Variants in SNN observed in about 807,000 individuals in gnomAD.
The protein encoded by SNN is stannin.
In SNN, 5 loss-of-function variants were observed where a neutral mutation model predicts 5.3. The observed-to-expected ratio is 0.94, with a 90% confidence interval of 0.49 to 1.97. The LOEUF is 1.97. Ranked by LOEUF, SNN falls within the 30% of genes most tolerant of loss-of-function variation. The pLI, the probability that SNN is intolerant of heterozygous loss-of-function variation, is 0.01. For synonymous variants in SNN, 67 were observed against 52.1 expected (o/e 1.29, Z -1.24); for missense variants, 127 against 121.6 (o/e 1.04, Z -0.21).
chr16:11,669,349 G>T (rs977035406), intron 1 of SNN, among the ~76,000 whole-genome samples: 2 of 152,378 alleles, frequency 1.3e-5, no homozygotes, highest in African/African-American at 4.8e-5. Flanking sequence ...CCCAGCGAGG[G>T]CCACACTGGG....
At position 11,672,315 on chromosome 16, in the gene SNN, G is replaced by C. The variant is rs1324967401; in HGVS notation, c.-85-3660G>C. Reference sequence around the variant, plus strand: ...AGCCTAGAGAAGGGCAGGTAGCAAGGAGAGCAAATGAAGTAGGGCAAGGCT... The same window carrying C: ...AGCCTAGAGAAGGGCAGGTAGCAAGCAGAGCAAATGAAGTAGGGCAAGGCT... On this transcript the variant is annotated intron_variant, in intron 1 of 1. Transcript: ENST00000329565. The surrounding 1 kb of genome is among the most constrained non-coding windows in gnomAD (Gnocchi z 6.0). 6.6e-6 allele frequency among the ~76,000 whole-genome samples: 1 copy of C among 152,196 alleles called. No homozygotes were observed. The highest frequency in any genetic ancestry group is 1.5e-5 in the Non-Finnish European group (1 of 68,036).
chr16:11,670,792 T>A (rs1258433093), intron 1 of SNN, among the ~76,000 whole-genome samples: 1 of 151,992 alleles, frequency 6.6e-6, no homozygotes, highest in East Asian at 1.9e-4. Flanking sequence ...GCACATGGAG[T>A]GGCCTCTGGA....
In SNN at chr16:11,668,907, C is replaced by T. The variant is rs1344199469; in HGVS notation, c.-86+367C>T. On this transcript the variant is annotated intron_variant, in intron 1 of 1. Coordinates refer to ENST00000329565, the MANE Select transcript of SNN (RefSeq NM_003498.6). This position sits in a 1 kb window ranked among gnomAD's most constrained non-coding sequence, Gnocchi z 6.8. ...TCGGGGTTCTTCAAAATTCTGGGAG[C>T]TCCGGGGAGGGCTCCGGGGATAGGG... Among the ~76,000 whole-genome samples the T allele has an allele frequency of 1.3e-5, 2 of 151,888 alleles. No individual in the cohort carries two copies. The highest frequency in any genetic ancestry group is 2.9e-5 in the Non-Finnish European group (2 of 67,910).
intron 1 of SNN, among the ~76,000 whole-genome samples, chr16:11,674,963 C>G (rs1172261186): frequency 1.3e-5 from 2 of 152,184 alleles, no homozygotes; most frequent in Non-Finnish European, 2.9e-5. Flanking sequence ...CTCACCCTCC[C>G]TGCCTCCCCG....
chr16:11,676,477 G>C lies in SNN; in HGVS notation c.*151G>C. On this transcript the variant is annotated 3_prime_UTR_variant, in exon 2 of 2. Transcript: ENST00000329565. ...TTCGTCATCGCATGCACTGATGCCC[G>C]GGGACCTGGCTGTCCTGGGCTTCCC... 2.0e-6 allele frequency: 2 copies of C among 986,144 alleles called. No homozygotes were observed. Among genetic ancestry groups the C allele is most frequent in the East Asian group, 2.6e-5 (1 of 37,748 alleles). The allele number at this position is 986,144 out of a possible 1,614,324, so 61.1% of individuals were successfully genotyped here. A position where few individuals can be genotyped will look rare whatever the true frequency, so the allele number is the denominator to read the frequency against.
rs1467089056 is a variant in SNN at position 11,678,862 on chromosome 16, A to C, written c.*2536A>C. ...ACTGTTGCATTCAAGTTTTCTGACTAATAAGAAATTAAGCATTCATCCTTC... is the reference window on the plus strand; with the variant it reads ...ACTGTTGCATTCAAGTTTTCTGACTCATAAGAAATTAAGCATTCATCCTTC... On this transcript the variant is annotated 3_prime_UTR_variant, in exon 2 of 2. Coordinates refer to ENST00000329565, the MANE Select transcript of SNN (RefSeq NM_003498.6). 1.1e-5 allele frequency: 3 copies of C among 270,486 alleles called. No individual in the cohort carries two copies. The highest frequency in any genetic ancestry group is 1.4e-3 in the Middle Eastern group (1 of 718). The allele number at this position is 270,486 out of a possible 1,614,324, so 16.8% of individuals were successfully genotyped here.
chr16:11,674,877 G>A (rs542606984), intron 1 of SNN, among the ~76,000 whole-genome samples: 4 of 152,304 alleles, frequency 2.6e-5, no homozygotes, highest in African/African-American at 2.4e-5. Flanking sequence ...GTGAGTGACC[G>A]GCATTTGGGG....
At chr16:11,673,435 C>T (rs887065096) in intron 1 of SNN, among the ~76,000 whole-genome samples, 11 of 152,148 alleles carry the variant, frequency 7.2e-5, no homozygotes, top group African/African-American at 2.7e-4. Flanking sequence ...GGAAGGAGCC[C>T]GGCCGGGTTG....
At chr16:11,670,027 G>T (rs948992897) in intron 1 of SNN, among the ~76,000 whole-genome samples, 19 of 152,314 alleles carry the variant, frequency 1.2e-4, no homozygotes, top group Admixed American at 3.3e-4. Flanking sequence ...TGTGTGATGC[G>T]TCCTTGTGTC....
chr16:11,674,067 T>C (rs1040906068), intron 1 of SNN, among the ~76,000 whole-genome samples: 2 of 152,216 alleles, frequency 1.3e-5, no homozygotes, highest in Admixed American at 6.5e-5. Flanking sequence ...GGGAAACTCC[T>C]GGTTGGGTAA....
intron 1 of SNN, among the ~76,000 whole-genome samples, chr16:11,675,258 C>CTTTTTTTTTTTTTT (rs769141223): frequency 8.8e-5 from 11 of 125,308 alleles, no homozygotes; most frequent in Non-Finnish European, 1.5e-4. Context: ...TTTTTTTTTT[C>CTTTTTTTTTTTTTT]TTTTTTTTTT....
intron 1 of SNN, among the ~76,000 whole-genome samples, chr16:11,670,730 G>C (rs922777773): frequency 2.0e-5 from 3 of 152,232 alleles, no homozygotes; most frequent in African/African-American, 7.2e-5. Context: ...CTGGGAGGAT[G>C]GAGGGGACTC....
In SNN at chr16:11,677,819, C is replaced by G. The variant is rs1183023060; in HGVS notation, c.*1493C>G. Reference sequence around the variant, plus strand: ...AGCACTGGCCCTTCATGGCTGAGCTCAGAGCTCTGGCCTCCTGCTCAGACT... The same window carrying G: ...AGCACTGGCCCTTCATGGCTGAGCTGAGAGCTCTGGCCTCCTGCTCAGACT... On this transcript the variant is annotated 3_prime_UTR_variant, in exon 2 of 2. Coordinates refer to ENST00000329565, the MANE Select transcript of SNN (RefSeq NM_003498.6). The surrounding 1 kb of genome is among the most constrained non-coding windows in gnomAD (Gnocchi z 4.2). 10 of 167,108 alleles carry G rather than the reference C, an allele frequency of 6.0e-5. No individual in the cohort carries two copies. The highest frequency in any genetic ancestry group is 1.5e-5 in the Non-Finnish European group (1 of 68,154). 10.4% of individuals were successfully genotyped at this position (167,108 alleles called of 1,614,324 possible). A position where few individuals can be genotyped will look rare whatever the true frequency, so the allele number is the denominator to read the frequency against.
rs939024219 is a variant in SNN, at chr16:11,668,681, C to A, written c.-86+141C>A. 6.8e-6 allele frequency: 1 copy of A among 146,534 alleles called. No individual in the cohort carries two copies. Among genetic ancestry groups the A allele is most frequent in the Non-Finnish European group, 1.5e-5 (1 of 65,538 alleles). The allele number at this position is 146,534 out of a possible 1,614,324, so 9.1% of individuals were successfully genotyped here. A position where few individuals can be genotyped will look rare whatever the true frequency, so the allele number is the denominator to read the frequency against. Reference sequence around the variant, plus strand: ...GGTCTGCGGGCGGGGGAGGGGCGGCCCGGCGGGCGCGGCTCGGGGGAGGGT... The same window carrying A: ...GGTCTGCGGGCGGGGGAGGGGCGGCACGGCGGGCGCGGCTCGGGGGAGGGT... On this transcript the variant is annotated intron_variant, in intron 1 of 1. Transcript: ENST00000329565. This position sits in a 1 kb window ranked among gnomAD's most constrained non-coding sequence, Gnocchi z 6.8.
chr16:11,670,029 C>G (rs8191275), intron 1 of SNN, among the ~76,000 whole-genome samples: 1,636 of 152,330 alleles, frequency 0.011, 26 homozygotes, highest in South Asian at 0.083. Flanking sequence ...TGTGATGCGT[C>G]CTTGTGTCCC....
At chr16:11,669,185 G>A (rs2050249371) in intron 1 of SNN, among the ~76,000 whole-genome samples, 1 of 152,178 alleles carries the variant, frequency 6.6e-6, no homozygotes, top group South Asian at 2.1e-4. Context: ...TGGAGTGGGG[G>A]AGACGCCGGC....
intron 1 of SNN, among the ~76,000 whole-genome samples, chr16:11,674,498 T>C (rs1340503074): frequency 6.6e-6 from 1 of 152,232 alleles, no homozygotes; most frequent in African/African-American, 2.4e-5. Context: ...TTAGACCTTA[T>C]GTGCATTCCA....
At chr16:11,674,227 C>T (rs1311275438) in intron 1 of SNN, among the ~76,000 whole-genome samples, 1 of 152,208 alleles carries the variant, frequency 6.6e-6, no homozygotes, top group African/African-American at 2.4e-5. Flanking sequence ...TTCTGAGTGC[C>T]GACCGCACGC....
At position 11,668,853 on chromosome 16, in the gene SNN, C is replaced by T. The variant is rs373911193; in HGVS notation, c.-86+313C>T. Among the ~76,000 whole-genome samples, 119 of 152,110 alleles carry T rather than the reference C, an allele frequency of 7.8e-4. 4 individuals carry two copies. The South Asian group carries it at 0.024, about 31-fold the overall frequency. On this transcript the variant is annotated intron_variant, in intron 1 of 1. Transcript: ENST00000329565. This position sits in a 1 kb window ranked among gnomAD's most constrained non-coding sequence, Gnocchi z 6.8. ...CGCCCGTGCAGCCCCCGCCCGTCCT[C>T]AGCTACGCTCCCGCCTTCCCCCGGC...
Sources: allele counts gnomAD v4.1 joint callset (sites outside exome capture counted in the v4.1 genomes callset), GRCh38; gene constraint gnomAD v4.1.1; non-coding constraint Gnocchi (gnomAD v3.1); transcripts MANE v1.5; gene names NCBI Gene and HGNC (gene_info 2026-07-23, HGNC 2026-07-21).